The following FUS variants were observed in gnomAD, a reference collection of about 807,000 sequenced individuals.
The protein encoded by FUS is FUS RNA binding protein.
FUS carries 5 observed loss-of-function variants against 82.7 expected under a neutral mutation model. The ratio of observed to expected loss-of-function variants is 0.06; its 90% CI spans 0.03 to 0.13. FUS has a LOEUF of 0.13. Among genes scored for constraint, FUS ranks in the 10% least tolerant of loss-of-function variants. The pLI, the probability that FUS is intolerant of heterozygous loss-of-function variation, is 1.00. For missense variants in FUS, 512 were observed against 707.8 expected (o/e 0.72, Z 3.14); for synonymous variants, 281 against 247.4 (o/e 1.14, Z -1.27).
chr16:31,180,136 G>A (rs1175487243), upstream of FUS: 3 of 1,570,034 alleles, frequency 1.9e-6, no homozygotes, highest in African/African-American at 1.3e-5. Flanking sequence ...AGGAGGCGGG[G>A]CTGCTCAGTC....
Position 31,186,848 on chromosome 16 carries a change from G to C in FUS, c.799+12G>C. 6.2e-7 allele frequency: 1 copy of C among 1,612,606 alleles called. No homozygotes were observed. Among genetic ancestry groups the C allele is most frequent in the Non-Finnish European group, 8.5e-7 (1 of 1,178,568 alleles). Reference sequence around the variant, plus strand: ...CAATAAATTTGGTGGTAAGTGAACAGAGTTTCCAAAATTCCCAACTCCCAG... The same window carrying C: ...CAATAAATTTGGTGGTAAGTGAACACAGTTTCCAAAATTCCCAACTCCCAG... On this transcript the variant is annotated intron_variant, in intron 7 of 14. Coordinates refer to ENST00000254108, the MANE Select transcript of FUS (RefSeq NM_004960.4).
chr16:31,188,037 C>G lies in FUS; in HGVS notation c.800-288C>G, dbSNP rs2079296079. The G allele has an allele frequency of 1.9e-5, 10 of 520,564 alleles. No homozygotes were observed. In the South Asian group the frequency reaches 1.9e-4, roughly 10 times the overall value. 32.2% of individuals were successfully genotyped at this position (520,564 alleles called of 1,614,324 possible). On this transcript the variant is annotated intron_variant, in intron 7 of 14. Transcript: ENST00000254108. ...GTCTCCGTTTCCCCTGCCACCTGTGCTGAGGACATTTCCCAGCCTGAGCTG... is the reference window on the plus strand; with the variant it reads ...GTCTCCGTTTCCCCTGCCACCTGTGGTGAGGACATTTCCCAGCCTGAGCTG...
intron 7 of FUS, 136 bp from the exon 8 acceptor site, chr16:31,188,189 T>C: frequency 1.1e-6 from 1 of 910,136 alleles, no homozygotes; most frequent in Non-Finnish European, 1.7e-6. Context: ...AGTGAGGCTG[T>C]GAGCACTTAC....
At chr16:31,186,932 A>T in intron 7 of FUS, 96 bp downstream of exon 7, 2 of 1,255,278 alleles carry the variant, frequency 1.6e-6, no homozygotes, top group East Asian at 4.6e-5. Context: ...TAAATGTCAA[A>T]GGTTTTGAGG....
chr16:31,182,468 G>T (rs776150218), intron 2 of FUS, 45 bp from the exon 3 acceptor site: 18 of 1,614,054 alleles, frequency 1.1e-5, no homozygotes, highest in Middle Eastern at 3.3e-4. Flanking sequence ...GGGCAAGGGT[G>T]GTCACGCCAT....
At chr16:31,185,803 C>G in intron 6 of FUS, 1 of 293,786 alleles carries the variant, frequency 3.4e-6, no homozygotes, top group South Asian at 4.3e-5. Context: ...CACTGTCTGC[C>G]TTCCCCTGGT....
chr16:31,188,864 G>A (rs2079311148), intron 8 of FUS: 1 of 534,274 alleles, frequency 1.9e-6, no homozygotes, highest in Non-Finnish European at 3.3e-6. Context: ...TGGTCTTGTT[G>A]GGCATTTCAC....
Position 31,189,810 on chromosome 16 carries a change from C to T in FUS, c.1066+16C>T. On this transcript the variant is annotated intron_variant, in intron 10 of 14. Transcript: ENST00000254108. ...TGGTTTGATGGTATGTATGAGAAGG[C>T]TGGCAGAGGTGGGGCTGGGGATATA... 1.9e-6 allele frequency: 3 copies of T among 1,613,928 alleles called. No individual in the cohort carries two copies. Among genetic ancestry groups the T allele is most frequent in the African/African-American group, 1.3e-5 (1 of 75,024 alleles).
chr16:31,190,491 A>G, intron 12 of FUS, 93 bp downstream of exon 12: 1 of 1,575,286 alleles, frequency 6.3e-7, no homozygotes, highest in South Asian at 1.1e-5. Context: ...CAAAGAAGTA[A>G]ATGTCAAGGC....
In FUS at chr16:31,183,937, T is replaced by C. The variant is rs1567470939; in HGVS notation, c.270T>C (p.Ser90=). ...GCAGTAGCCAGAGCTCCCAATCGTCTTACGGGCAGCAGTCCTCCTACCCTG... is the reference window on the plus strand; with the variant it reads ...GCAGTAGCCAGAGCTCCCAATCGTCCTACGGGCAGCAGTCCTCCTACCCTG... The part of the protein sequence containing the change: ...GYGSSQSSQS[S]YGQQSSYPGY... The change falls in exon 4 of 15, where the codon TCT becomes TCC. Residue 90 remains serine (S), a synonymous_variant. Coordinates refer to ENST00000254108, the MANE Select transcript of FUS (RefSeq NM_004960.4). The C allele has an allele frequency of 6.2e-7, 1 of 1,613,788 alleles. No individual in the cohort carries two copies. The highest frequency in any genetic ancestry group is 8.5e-7 in the Non-Finnish European group (1 of 1,179,840).
chr16:31,183,065 T>A (rs2079205188), intron 3 of FUS: 1 of 300,196 alleles, frequency 3.3e-6, no homozygotes, highest in African/African-American at 2.2e-5. Context: ...CCATATTTCT[T>A]TTCCGTGAAA....
rs751598265 is a variant in FUS, at chr16:31,183,949, GTCC to G, written c.287_289del (p.Ser96del). On this transcript the variant is annotated inframe_deletion, in exon 4 of 15. Transcript: ENST00000254108. Reference sequence around the variant, plus strand: ...GCTCCCAATCGTCTTACGGGCAGCAGTCCTCCTACCCTGGCTATGGCCAGCAGC... The same window carrying G: ...GCTCCCAATCGTCTTACGGGCAGCAGTCCTACCCTGGCTATGGCCAGCAGC... 48 of 1,613,922 alleles carry G rather than the reference GTCC, an allele frequency of 3.0e-5. 1 individual carries two copies. The South Asian group carries it at 4.7e-4, about 16-fold the overall frequency.
intron 7 of FUS, chr16:31,187,659 A>G (rs1318050606): frequency 8.6e-6 from 2 of 233,086 alleles, no homozygotes; most frequent in East Asian, 6.1e-5. Flanking sequence ...TGTGGGTACA[A>G]TATTTATATA....
chr16:31,193,460 C>G (rs1455299893), downstream of FUS: 2 of 527,766 alleles, frequency 3.8e-6, no homozygotes, highest in Admixed American at 4.5e-5. Context: ...ACTGTTGGTG[C>G]TTTGCCTAGC....
At chr16:31,190,443 T>C in intron 12 of FUS, 45 bp downstream of exon 12, 1 of 1,613,364 alleles carries the variant, frequency 6.2e-7, no homozygotes, top group South Asian at 1.1e-5. Flanking sequence ...GCATGCGTGC[T>C]CTTTGATATA....
At chr16:31,187,329 C>A in intron 7 of FUS, 1 of 258,150 alleles carries the variant, frequency 3.9e-6, no homozygotes, top group Admixed American at 4.8e-5. Flanking sequence ...GGAATGGTGT[C>A]AATGAATGCA....
In FUS at chr16:31,183,969, G is replaced by A. The variant is rs1555508584; in HGVS notation, c.302G>A (p.Gly101Asp). Reference sequence around the variant, plus strand: ...CAGCAGTCCTCCTACCCTGGCTATGGCCAGCAGCCAGCTCCCAGCAGCACC... The same window carrying A: ...CAGCAGTCCTCCTACCCTGGCTATGACCAGCAGCCAGCTCCCAGCAGCACC... ...YGQQSSYPGYGQQPAPSSTSG... is the reference protein window; with the variant it reads ...YGQQSSYPGYDQQPAPSSTSG... Residue 101 changes from glycine to aspartate, a missense_variant, in exon 4 of 15, where the codon GGC becomes GAC. Physicochemically the swap from Gly to Asp is moderately conservative, Grantham distance 94. Around this residue, in one of 6 missense-constraint regions of FUS, gnomAD observed 276 missense variants for 303.3 expected, o/e 0.91. Transcript: ENST00000254108. 6.2e-7 allele frequency: 1 copy of A among 1,613,976 alleles called. No individual in the cohort carries two copies. The highest frequency in any genetic ancestry group is 8.5e-7 in the Non-Finnish European group (1 of 1,179,892).
intron 1 of FUS, among the ~76,000 whole-genome samples, chr16:31,180,918 C>T (rs994961078): frequency 2.7e-5 from 4 of 147,798 alleles, no homozygotes; most frequent in Non-Finnish European, 6.0e-5. Context: ...AAATTTCTTT[C>T]TTTTTTTTTT....
chr16:31,186,913 G>A (rs752975800), intron 7 of FUS, 77 bp downstream of exon 7: 147 of 1,398,054 alleles, frequency 1.1e-4, no homozygotes, highest in Admixed American at 1.3e-4. Flanking sequence ...ATGTCTTAGC[G>A]TGTTAATTTA....
Sources: allele counts gnomAD v4.1 joint callset (sites outside exome capture counted in the v4.1 genomes callset), GRCh38; gene constraint gnomAD v4.1.1; regional missense constraint gnomAD v4.1.1; transcripts MANE v1.5; gene names NCBI Gene and HGNC (gene_info 2026-07-23, HGNC 2026-07-21).